GPC5: variants seen among roughly 807,000 people sequenced by gnomAD.
The protein encoded by GPC5 is glypican 5.
A neutral mutation model predicts 53.9 loss-of-function variants in GPC5; 47 were observed. That is an observed-to-expected ratio of 0.87 (90% CI 0.69 to 1.11). GPC5 has a LOEUF of 1.11. GPC5 is among the 50% of genes most tolerant of loss of function. The pLI, the probability that GPC5 is intolerant of heterozygous loss-of-function variation, is 0.00. For missense variants in GPC5, 748 were observed against 713.1 expected, an observed-to-expected ratio of 1.05 and a Z score of -0.56; for synonymous variants, 286 against 263.3, an observed-to-expected ratio of 1.09 and a Z score of -0.84.
At chr13:91,541,245 C>T (rs938309815) in intron 2 of GPC5, among the ~76,000 whole-genome samples, 1 of 152,070 alleles carries the variant, frequency 6.6e-6, no homozygotes, top group Admixed American at 6.6e-5. Flanking sequence ...CTTAAAGTCT[C>T]TATGTAATTT....
chr13:92,431,666 C>T (rs1300371640), intron 7 of GPC5, among the ~76,000 whole-genome samples: 3 of 152,058 alleles, frequency 2.0e-5, no homozygotes, highest in African/African-American at 2.4e-5. Context: ...GGAAAGCCAT[C>T]GGAGAGGTTT....
intron 2 of GPC5, among the ~76,000 whole-genome samples, chr13:91,558,755 G>A (rs2031095286): frequency 1.3e-5 from 2 of 151,998 alleles, no homozygotes; most frequent in South Asian, 4.2e-4. Flanking sequence ...CCAAAAGGTG[G>A]TTTTCTTCTC....
chr13:92,043,463 G>A (rs1046213202), intron 6 of GPC5, among the ~76,000 whole-genome samples: 10 of 152,178 alleles, frequency 6.6e-5, no homozygotes, highest in African/African-American at 2.2e-4. Flanking sequence ...ATGGGCCATG[G>A]AAATTGGTAA....
chr13:91,844,303 A>G (rs576824423), intron 5 of GPC5, among the ~76,000 whole-genome samples: 4 of 152,348 alleles, frequency 2.6e-5, no homozygotes, highest in South Asian at 2.1e-4. Context: ...GCAGATCATC[A>G]TGAGTTTGTT....
chr13:92,038,149 A>T (rs9589409), intron 6 of GPC5, among the ~76,000 whole-genome samples: 71,241 of 151,638 alleles, frequency 0.47, 17,073 homozygotes, highest in Admixed American at 0.52. Context: ...TAGATTTCCT[A>T]TAGGATATTA....
intron 7 of GPC5, among the ~76,000 whole-genome samples, chr13:92,507,938 T>C (rs1880431948): frequency 6.6e-6 from 1 of 152,122 alleles, no homozygotes; most frequent in Non-Finnish European, 1.5e-5. Flanking sequence ...TGCTTACAAA[T>C]TTTTATTTAA....
intron 6 of GPC5, among the ~76,000 whole-genome samples, chr13:92,104,972 T>G (rs1261207095): frequency 1.3e-5 from 2 of 152,326 alleles, no homozygotes; most frequent in Non-Finnish European, 2.9e-5. Context: ...GTCATTGAAC[T>G]GATCCAAACT....
At chr13:92,648,609 T>C (rs1002749375) in intron 7 of GPC5, among the ~76,000 whole-genome samples, 10 of 152,148 alleles carry the variant, frequency 6.6e-5, no homozygotes, top group Non-Finnish European at 1.5e-4. Context: ...TCATTTTACT[T>C]AAGTTACAAA....
At chr13:91,429,390 G>A (rs1879275972) in intron 1 of GPC5, among the ~76,000 whole-genome samples, 1 of 152,156 alleles carries the variant, frequency 6.6e-6, no homozygotes. Context: ...GAAGGTGACA[G>A]TTTAGAGGAG....
chr13:91,641,014 A>G (rs1296360083), intron 2 of GPC5, among the ~76,000 whole-genome samples: 2 of 152,236 alleles, frequency 1.3e-5, no homozygotes, highest in Non-Finnish European at 2.9e-5. Context: ...ATCCTCAGCA[A>G]ACTAACACAG....
intron 5 of GPC5, among the ~76,000 whole-genome samples, chr13:91,784,069 A>G (rs1276347856): frequency 6.6e-6 from 1 of 152,168 alleles, no homozygotes; most frequent in Admixed American, 6.5e-5. Flanking sequence ...AAACTATGAG[A>G]CATATTAAAT....
intron 7 of GPC5, among the ~76,000 whole-genome samples, chr13:92,454,546 A>G (rs1878188949): frequency 6.6e-6 from 1 of 152,206 alleles, no homozygotes; most frequent in South Asian, 2.1e-4. Context: ...ATGCTCAAAA[A>G]TATTTTGGGT....
At chr13:92,356,781 A>T (rs577752365) in intron 7 of GPC5, among the ~76,000 whole-genome samples, 31 of 152,210 alleles carry the variant, frequency 2.0e-4, no homozygotes, top group African/African-American at 7.5e-4. Flanking sequence ...AACTTCACAG[A>T]GGTTTGTTGT....
At position 91,860,021 on chromosome 13, in the gene GPC5, G is replaced by A. The variant is rs184452311; in HGVS notation, c.1281-47916G>A. On this transcript the variant is annotated intron_variant, in intron 5 of 7. Coordinates refer to ENST00000377067, the MANE Select transcript of GPC5 (RefSeq NM_004466.6). ...ATGTAATTACCCTGATGAGATGATG[G>A]TAATTAGCATATCCATCATTGCAAA... Among the ~76,000 whole-genome samples the A allele has an allele frequency of 6.1e-4, 92 of 151,848 alleles. 1 individual carries two copies. Among genetic ancestry groups the A allele is most frequent in the African/African-American group, 2.1e-3 (85 of 41,432 alleles).
intron 5 of GPC5, among the ~76,000 whole-genome samples, chr13:91,864,932 T>G (rs1438584357): frequency 1.3e-5 from 2 of 150,518 alleles, no homozygotes; most frequent in Non-Finnish European, 3.0e-5. Flanking sequence ...TGAGACAGAG[T>G]CTTGCTCTAT....
At chr13:91,463,346 A>G (rs1882049683) in intron 2 of GPC5, among the ~76,000 whole-genome samples, 1 of 152,130 alleles carries the variant, frequency 6.6e-6, no homozygotes, top group African/African-American at 2.4e-5. Flanking sequence ...GGTTGAATCC[A>G]TGGGTGCACA....
chr13:91,802,305 G>A (rs530551465), intron 5 of GPC5, among the ~76,000 whole-genome samples: 4 of 152,022 alleles, frequency 2.6e-5, no homozygotes, highest in African/African-American at 9.7e-5. Flanking sequence ...TTCACAGTGA[G>A]TGTTACAGCT....
chr13:92,620,820 G>C lies in GPC5; in HGVS notation c.1562-245462G>C, dbSNP rs76273618. Among the ~76,000 whole-genome samples the C allele has an allele frequency of 2.2e-3, 334 of 152,202 alleles. 3 individuals are homozygous for C. The highest frequency in any genetic ancestry group is 7.9e-3 in the African/African-American group (329 of 41,532). On this transcript the variant is annotated intron_variant, in intron 7 of 7. Transcript: ENST00000377067. ...TCATTATAGAGGAAATTACAAGAAG[G>C]CTTTCTCTTCCCATATCACTATCTT... is the stretch of plus-strand genomic sequence containing the variant.
chr13:92,462,040 A>G (rs978596891), intron 7 of GPC5, among the ~76,000 whole-genome samples: 1 of 152,214 alleles, frequency 6.6e-6, no homozygotes, highest in Non-Finnish European at 1.5e-5. Context: ...CCAGGTGACT[A>G]TCAGGAAACT....
Sources: allele counts gnomAD v4.1 joint callset (sites outside exome capture counted in the v4.1 genomes callset), GRCh38; gene constraint gnomAD v4.1.1; transcripts MANE v1.5; gene names NCBI Gene and HGNC (gene_info 2026-07-23, HGNC 2026-07-21).